The following MCF2L2 variants were observed in gnomAD, a reference collection of about 807,000 sequenced individuals.
MCF2L2 encodes the protein probable guanine nucleotide exchange factor MCF2L2.
MCF2L2 carries 102 observed loss-of-function variants against 150.2 expected under a neutral mutation model. That is an observed-to-expected ratio of 0.68 (90% CI 0.58 to 0.80). The LOEUF (loss-of-function observed/expected upper bound fraction) is 0.80. MCF2L2 is among the 30% of genes least tolerant of loss of function. The pLI is 0.00. For missense variants in MCF2L2, 1,256 were observed against 1,372.8 expected (o/e 0.91, Z 1.34); for synonymous variants, 465 against 491.3 (o/e 0.95, Z 0.71).
chr3:183,338,751 T>G, intron 5 of MCF2L2, 49 bp downstream of exon 5: 1 of 1,552,572 alleles, frequency 6.4e-7, no homozygotes, highest in Non-Finnish European at 8.8e-7. Flanking sequence ...AAATGCCATC[T>G]TAGCCAGAAG....
intron 15 of MCF2L2, among the ~76,000 whole-genome samples, chr3:183,260,715 A>G (rs1725505200): frequency 6.6e-6 from 1 of 152,204 alleles, no homozygotes; most frequent in Non-Finnish European, 1.5e-5. Context: ...TTTAACTTAT[A>G]AAGAGATATA....
At chr3:183,321,621 T>C (rs545807099) in intron 6 of MCF2L2, among the ~76,000 whole-genome samples, 6 of 152,218 alleles carry the variant, frequency 3.9e-5, no homozygotes, top group Admixed American at 1.3e-4. Flanking sequence ...TTTAAAAAAA[T>C]TGCAATATCT....
chr3:183,201,118 G>A (rs1722264885), intron 25 of MCF2L2, among the ~76,000 whole-genome samples: 1 of 152,006 alleles, frequency 6.6e-6, no homozygotes, highest in Non-Finnish European at 1.5e-5. Context: ...GCTCTTTTTT[G>A]GTTCCATATG....
chr3:183,321,444 A>C lies in MCF2L2; in HGVS notation c.603+1791T>G, dbSNP rs1310913353. On this transcript the variant is annotated intron_variant, in intron 6 of 29. Coordinates refer to ENST00000328913, the MANE Select transcript of MCF2L2 (RefSeq NM_015078.4). Reference sequence around the variant, plus strand: ...TAGAGCAAGACTCTGTCTCAAAAAAAAAAAAAAAAGAAAGAAAGAAAAAGA... The same window carrying C: ...TAGAGCAAGACTCTGTCTCAAAAAACAAAAAAAAAGAAAGAAAGAAAAAGA... Among the ~76,000 whole-genome samples the C allele has an allele frequency of 7.9e-5, 12 of 151,812 alleles. No individual in the cohort carries two copies. The East Asian group carries it at 2.1e-3, about 27-fold the overall frequency.
intron 15 of MCF2L2, among the ~76,000 whole-genome samples, chr3:183,250,324 G>A (rs1419065191): frequency 1.3e-5 from 2 of 152,168 alleles, no homozygotes; most frequent in African/African-American, 4.8e-5. Context: ...GGTGGTTCAC[G>A]CCTGTAGTCC....
At chr3:183,249,011 C>T (rs1054384270) in intron 15 of MCF2L2, among the ~76,000 whole-genome samples, 2 of 152,132 alleles carry the variant, frequency 1.3e-5, no homozygotes, top group African/African-American at 4.8e-5. Flanking sequence ...TCTTCCTTCC[C>T]CCTGTACCAC....
Position 183,178,322 on chromosome 3 carries a change from T to C in MCF2L2, c.*1058A>G, listed in dbSNP as rs1721383057. 1 of 152,052 alleles carries C rather than the reference T, an allele frequency of 6.6e-6. No homozygotes were observed. Among genetic ancestry groups the C allele is most frequent in the Non-Finnish European group, 1.5e-5 (1 of 67,996 alleles). The allele number at this position is 152,052 out of a possible 1,614,324, so 9.4% of individuals were successfully genotyped here. On this transcript the variant is annotated 3_prime_UTR_variant, in exon 30 of 30. Coordinates refer to ENST00000328913, the MANE Select transcript of MCF2L2 (RefSeq NM_015078.4). ...TCTACTAAAAATCCAAATAAAAAAT[T>C]AGCCGGGCGTGGTGGCGGGCGCCTG...
intron 2 of MCF2L2, among the ~76,000 whole-genome samples, chr3:183,389,464 A>G (rs538939823): frequency 3.5e-4 from 53 of 152,318 alleles, no homozygotes; most frequent in African/African-American, 1.3e-3. Flanking sequence ...TACAACCACA[A>G]AGAAATGTGC....
intron 3 of MCF2L2, among the ~76,000 whole-genome samples, chr3:183,342,361 G>A (rs1321051709): frequency 6.6e-6 from 1 of 152,198 alleles, no homozygotes; most frequent in African/African-American, 2.4e-5. Flanking sequence ...GTGACACACA[G>A]AGGAGTTCAC....
intron 25 of MCF2L2, among the ~76,000 whole-genome samples, chr3:183,198,583 C>T (rs1043317656): frequency 3.3e-5 from 5 of 152,112 alleles, no homozygotes; most frequent in Non-Finnish European, 7.4e-5. Context: ...TGTGGTTTAT[C>T]GTGTCATTAT....
intron 13 of MCF2L2, 79 bp downstream of exon 13, chr3:183,295,221 T>C: frequency 7.1e-7 from 1 of 1,408,590 alleles, no homozygotes; most frequent in Non-Finnish European, 9.7e-7. Flanking sequence ...CCATTATCCA[T>C]TGTAGACAAC....
intron 27 of MCF2L2, 82 bp from the exon 28 acceptor site, chr3:183,180,241 T>C: frequency 1.1e-6 from 1 of 884,708 alleles, no homozygotes; most frequent in Non-Finnish European, 1.9e-6. Flanking sequence ...TAGCAGGCAG[T>C]GCCTGTTGCA....
intron 14 of MCF2L2, among the ~76,000 whole-genome samples, chr3:183,288,740 A>G (rs1727940566): frequency 6.6e-6 from 1 of 152,102 alleles, no homozygotes; most frequent in Non-Finnish European, 1.5e-5. Flanking sequence ...TCGGCCTCCC[A>G]AAGTGCTGGG....
chr3:183,384,234 T>A (rs945617895), intron 2 of MCF2L2, among the ~76,000 whole-genome samples: 4 of 152,246 alleles, frequency 2.6e-5, no homozygotes, highest in African/African-American at 9.6e-5. Context: ...CTCTCCTTGT[T>A]CATTCCTGGG....
At chr3:183,224,311 G>GC in intron 18 of MCF2L2, 121 bp from the exon 19 acceptor site, 1 of 659,554 alleles carries the variant, frequency 1.5e-6, no homozygotes, top group South Asian at 1.8e-5. Context: ...GGAATTGGGG[G>GC]TGTACAGTAA....
intron 21 of MCF2L2, among the ~76,000 whole-genome samples, chr3:183,218,908 A>G (rs528732701): frequency 2.0e-5 from 3 of 152,128 alleles, no homozygotes; most frequent in Non-Finnish European, 4.4e-5. Flanking sequence ...CTGTGTCCTG[A>G]GCTGCTTCTG....
rs138214592 is a variant in MCF2L2 at position 183,366,598 on chromosome 3, A to G, written c.275+12699T>C. ...GGGGCAAAGGCTGCAGTGAGCCGAG[A>G]TCGCACCACTGCACTCCAGCCTGGG... On this transcript the variant is annotated intron_variant, in intron 3 of 29. Coordinates refer to ENST00000328913, the MANE Select transcript of MCF2L2 (RefSeq NM_015078.4). Among the ~76,000 whole-genome samples the G allele has an allele frequency of 4.8e-3, 727 of 152,292 alleles. 4 individuals are homozygous for G. The highest frequency in any genetic ancestry group is 0.017 in the African/African-American group (691 of 41,558).
At chr3:183,263,617 T>C (rs1274949271) in intron 15 of MCF2L2, among the ~76,000 whole-genome samples, 1 of 152,128 alleles carries the variant, frequency 6.6e-6, no homozygotes, top group Non-Finnish European at 1.5e-5. Context: ...TTCATGAAAT[T>C]AGTCATCTTC....
intron 22 of MCF2L2, 149 bp downstream of exon 22, chr3:183,215,820 C>A: frequency 6.0e-6 from 5 of 836,084 alleles, no homozygotes; most frequent in Middle Eastern, 3.1e-4. Flanking sequence ...TCTTGTAGTG[C>A]GGGTTTACTG....
Sources: gnomAD v4.1 joint callset for allele counts (sites outside exome capture counted in the v4.1 genomes callset) on GRCh38, gnomAD v4.1.1 for gene constraint, MANE v1.5 for transcripts, NCBI Gene and HGNC (gene_info 2026-07-23, HGNC 2026-07-21) for gene names.